SGK1: variants seen among roughly 807,000 people sequenced by gnomAD.
The protein encoded by SGK1 is serine/threonine-protein kinase Sgk1.
Under a neutral mutation model 64.2 loss-of-function variants are expected in SGK1, and 26 were observed. That is an observed-to-expected ratio of 0.40 (90% CI 0.30 to 0.56). The LOEUF is 0.56. SGK1 is among the 20% of genes least tolerant of loss of function. SGK1 has a pLI of 0.38. For synonymous variants in SGK1, 265 were observed against 239.7 expected, an observed-to-expected ratio of 1.11 and a Z score of -0.98; for missense variants, 519 against 645.6, an observed-to-expected ratio of 0.80 and a Z score of 2.12.
At chr6:134,189,345 A>G (rs1775473709) in intron 3 of SGK1, among the ~76,000 whole-genome samples, 1 of 152,148 alleles carries the variant, frequency 6.6e-6, no homozygotes. Flanking sequence ...AATCTAAAAG[A>G]ATGAAAATAA....
intron 3 of SGK1, among the ~76,000 whole-genome samples, chr6:134,187,786 A>C (rs1775447332): frequency 6.6e-6 from 1 of 152,218 alleles, no homozygotes; most frequent in Non-Finnish European, 1.5e-5. Flanking sequence ...TGGCAGAAGC[A>C]TTGTGTTCAA....
At chr6:134,288,459 T>A (rs1472263461) in intron 1 of SGK1, among the ~76,000 whole-genome samples, 2 of 152,232 alleles carry the variant, frequency 1.3e-5, no homozygotes, top group African/African-American at 4.8e-5. Context: ...AAACTAAACA[T>A]CTTTTCCAAG....
intron 1 of SGK1, among the ~76,000 whole-genome samples, chr6:134,268,492 G>A (rs1776888766): frequency 6.6e-6 from 1 of 151,874 alleles, no homozygotes. Context: ...TTGGGAGGAG[G>A]CGGGCGGATC....
chr6:134,293,892 A>G (rs12202855), intron 1 of SGK1, among the ~76,000 whole-genome samples: 29,926 of 152,114 alleles, frequency 0.2, 3,291 homozygotes, highest in African/African-American at 0.26. Flanking sequence ...TTGACATCCC[A>G]TTATTCCTCT....
intron 2 of SGK1, among the ~76,000 whole-genome samples, chr6:134,253,839 A>G (rs1776641471): frequency 6.6e-6 from 1 of 152,164 alleles, no homozygotes; most frequent in Admixed American, 6.6e-5. Flanking sequence ...ATCCTTCCAG[A>G]GGACTCTGGC....
intron 1 of SGK1, among the ~76,000 whole-genome samples, chr6:134,266,315 A>C (rs1452559872): frequency 6.6e-6 from 1 of 152,082 alleles, no homozygotes; most frequent in East Asian, 1.9e-4. Context: ...GCCATTTAAA[A>C]TATCTTTGTG....
At chr6:134,250,369 A>T (rs75221811) in intron 2 of SGK1, among the ~76,000 whole-genome samples, 6,245 of 152,272 alleles carry the variant, frequency 0.041, 234 homozygotes, top group East Asian at 0.12. Context: ...AGTGCATTTC[A>T]GTTGATTGTG....
At chr6:134,226,577 C>T (rs1301521874) in intron 2 of SGK1, among the ~76,000 whole-genome samples, 3 of 151,658 alleles carry the variant, frequency 2.0e-5, no homozygotes, top group Non-Finnish European at 4.4e-5. Context: ...ACCTGTAGTC[C>T]CAGCTACCTG....
intron 2 of SGK1, among the ~76,000 whole-genome samples, chr6:134,220,070 AAAAAAAAAAAAAAAAAAG>A (rs1293813185): frequency 1.4e-5 from 2 of 144,342 alleles, no homozygotes; most frequent in Admixed American, 7.2e-5. Flanking sequence ...AAAAAAAAAA[AAAAAAAAAAAAAAAAAAG>A]AAAAGAAAAG....
At chr6:134,199,798 TA>T (rs1191688881) in intron 3 of SGK1, among the ~76,000 whole-genome samples, 1 of 152,112 alleles carries the variant, frequency 6.6e-6, no homozygotes, top group Non-Finnish European at 1.5e-5. Flanking sequence ...TCTAGACATT[TA>T]AAAAACCCCA....
At position 134,264,362 on chromosome 6, in the gene SGK1, G is replaced by A. The variant is rs574875343; in HGVS notation, c.70-2214C>T. ...TCTCGATCTCCTGACCTCATGATCC[G>A]CCCACCTTGGCCTCCCATAGTGCTG... On this transcript the variant is annotated intron_variant, in intron 1 of 13. Transcript: ENST00000367858. Among the ~76,000 whole-genome samples, 26 of 151,898 alleles carry A rather than the reference G, an allele frequency of 1.7e-4. 1 individual carries two copies. In the South Asian group the frequency reaches 2.5e-3, roughly 15 times the overall value.
chr6:134,264,310 C>A lies in SGK1; in HGVS notation c.70-2162G>T, dbSNP rs191752972. ...AATTTTTTGTATTTTTAGTAGAGAC[C>A]GGGTTTCATCGTGTTAGCCAGGATG... On this transcript the variant is annotated intron_variant, in intron 1 of 13. Transcript: ENST00000367858. Among the ~76,000 whole-genome samples, 94 of 151,632 alleles carry A rather than the reference C, an allele frequency of 6.2e-4. No individual in the cohort carries two copies. In the East Asian group the frequency reaches 0.018, roughly 28 times the overall value.
chr6:134,292,022 C>G (rs1777273096), intron 1 of SGK1, among the ~76,000 whole-genome samples: 1 of 150,306 alleles, frequency 6.7e-6, no homozygotes. Flanking sequence ...GAGATCACAC[C>G]GTTGCACTCC....
intron 2 of SGK1, among the ~76,000 whole-genome samples, chr6:134,209,103 T>G (rs1775842885): frequency 6.6e-6 from 1 of 152,124 alleles, no homozygotes; most frequent in African/African-American, 2.4e-5. Flanking sequence ...TGATCCATGT[T>G]TTTGACAGCT....
chr6:134,200,256 G>C (rs550035724), intron 3 of SGK1, among the ~76,000 whole-genome samples: 1 of 152,172 alleles, frequency 6.6e-6, no homozygotes, highest in African/African-American at 2.4e-5. Context: ...AAAAGTGTGA[G>C]CAGTAAGATG....
At chr6:134,223,083 T>C (rs1776115130) in intron 2 of SGK1, among the ~76,000 whole-genome samples, 1 of 152,012 alleles carries the variant, frequency 6.6e-6, no homozygotes, top group Non-Finnish European at 1.5e-5. Flanking sequence ...AAGGATGATA[T>C]AAGAGCCGGG....
chr6:134,217,918 T>G (rs1776013086), intron 2 of SGK1, among the ~76,000 whole-genome samples: 1 of 152,206 alleles, frequency 6.6e-6, no homozygotes, highest in Non-Finnish European at 1.5e-5. Flanking sequence ...GCCTTTGTAA[T>G]TGCAAACAGC....
intron 2 of SGK1, among the ~76,000 whole-genome samples, chr6:134,255,337 C>G (rs1239519141): frequency 3.9e-5 from 6 of 152,018 alleles, no homozygotes; most frequent in Admixed American, 3.9e-4. Flanking sequence ...ATCACATAAG[C>G]AAGTAATTAT....
intron 2 of SGK1, among the ~76,000 whole-genome samples, chr6:134,250,638 T>C (rs543787312): frequency 6.6e-4 from 100 of 152,366 alleles, no homozygotes; most frequent in Non-Finnish European, 1.0e-3. Flanking sequence ...ATCAAGGTGA[T>C]ATTAATGGTT....
Sources: allele counts gnomAD v4.1 joint callset (sites outside exome capture counted in the v4.1 genomes callset), GRCh38; gene constraint gnomAD v4.1.1; transcripts MANE v1.5; gene names NCBI Gene and HGNC (gene_info 2026-07-23, HGNC 2026-07-21).